The following HMGCL variants were observed in gnomAD, a reference collection of about 807,000 sequenced individuals.
HMGCL encodes hydroxymethylglutaryl-CoA lyase, mitochondrial.
Under a neutral mutation model 37.3 loss-of-function variants are expected in HMGCL, and 26 were observed. That is an observed-to-expected ratio of 0.70 (90% CI 0.51 to 0.97). The LOEUF (loss-of-function observed/expected upper bound fraction) is 0.97, where lower values mean the gene tolerates loss of function less well. Ranked by LOEUF, HMGCL falls within the 50% of genes least tolerant of loss-of-function variation. The pLI, the probability that HMGCL is intolerant of heterozygous loss-of-function variation, is 0.00. For missense variants in HMGCL, 379 were observed against 398.1 expected (o/e 0.95, Z 0.41); for synonymous variants, 151 against 148.0 (o/e 1.02, Z -0.15).
At position 23,802,254 on chromosome 1, in the gene HMGCL, T is replaced by C; in HGVS notation, c.*209A>G. On this transcript the variant is annotated 3_prime_UTR_variant, in exon 9 of 9. Coordinates refer to ENST00000374490, the MANE Select transcript of HMGCL (RefSeq NM_000191.3). ...GGGAGACTTCAGCCCTCAAAGCCTC[T>C]CACTCCTCAGGTCTGGGCAGGAGGT... 2 of 607,186 alleles carry C rather than the reference T, an allele frequency of 3.3e-6. No homozygotes were observed. The highest frequency in any genetic ancestry group is 2.9e-6 in the Non-Finnish European group (1 of 342,072). 37.6% of individuals were successfully genotyped at this position (607,186 alleles called of 1,614,324 possible).
chr1:23,804,400 C>G lies in HMGCL; in HGVS notation c.876G>C (p.Thr292=), dbSNP rs753754467. ...VYMLEGLGIH[T]GVNLQKLLEA... Reference sequence around the variant, plus strand: ...GCCACCAGGGGGTGGGTGGGCTTACCGTGTGAATGCCCAAGCCCTCTAGCA... The same window carrying G: ...GCCACCAGGGGGTGGGTGGGCTTACGGTGTGAATGCCCAAGCCCTCTAGCA... Residue 292 remains threonine, a splice_region_variant and synonymous_variant, in exon 8 of 9, where the codon ACG becomes ACC. Transcript: ENST00000374490. 1 of 1,614,166 alleles carries G rather than the reference C, an allele frequency of 6.2e-7. No individual in the cohort carries two copies. Among genetic ancestry groups the G allele is most frequent in the Non-Finnish European group, 8.5e-7 (1 of 1,180,026 alleles).
chr1:23,802,402 GA>G lies in HMGCL; in HGVS notation c.*60del, dbSNP rs1638297342. On this transcript the variant is annotated 3_prime_UTR_variant, in exon 9 of 9. Transcript: ENST00000374490. The stretch of plus-strand genomic sequence containing the variant: ...TTCTCATTTCCATGTCCCCATCCAT[GA>G]ATCATCTGTGTGTGCCCCTATTTCC... The G allele has an allele frequency of 2.0e-6, 2 of 996,194 alleles. No individual in the cohort carries two copies. Among genetic ancestry groups the G allele is most frequent in the Non-Finnish European group, 1.6e-6 (1 of 615,696 alleles). The allele number at this position is 996,194 out of a possible 1,614,324, so 61.7% of individuals were successfully genotyped here. A position where few individuals can be genotyped will look rare whatever the true frequency, so the allele number is the denominator to read the frequency against.
At chr1:23,818,335 T>C (rs1330649124) in intron 2 of HMGCL, among the ~76,000 whole-genome samples, 1 of 152,132 alleles carries the variant, frequency 6.6e-6, no homozygotes, top group Non-Finnish European at 1.5e-5. Flanking sequence ...GGCACGTGTC[T>C]GTGATCCAGC....
chr1:23,813,053 C>A (rs1638549235), intron 5 of HMGCL, among the ~76,000 whole-genome samples: 1 of 151,648 alleles, frequency 6.6e-6, no homozygotes, highest in Non-Finnish European at 1.5e-5. Flanking sequence ...CTACGCCCGG[C>A]TAATTTTTGT....
At chr1:23,811,489 T>C (rs1638519733) in intron 5 of HMGCL, among the ~76,000 whole-genome samples, 2 of 151,908 alleles carry the variant, frequency 1.3e-5, no homozygotes, top group South Asian at 4.2e-4. Flanking sequence ...AGATGGGAAA[T>C]GATAGGAACA....
At chr1:23,808,451 A>G (rs1638453415) in intron 6 of HMGCL, 128 bp from the exon 7 acceptor site, 1 of 787,040 alleles carries the variant, frequency 1.3e-6, no homozygotes, top group Non-Finnish European at 2.3e-6. Flanking sequence ...CTACTGGATT[A>G]CATGCTCCTC....
chr1:23,817,512 T>C lies in HMGCL; in HGVS notation c.216A>G (p.Glu72=). The C allele has an allele frequency of 6.2e-7, 1 of 1,613,700 alleles. No individual in the cohort carries two copies. The highest frequency in any genetic ancestry group is 1.7e-5 in the Admixed American group (1 of 60,016). Residue 72 remains glutamate, a synonymous_variant, in exon 3 of 9, where the codon GAA becomes GAG. Transcript: ENST00000374490. The part of the protein sequence containing the change: ...MLSEAGLSVI[E]TTSFVSPKWV... ...ACTTAGGAGACACAAAGCTGGTGGTTTCTATAACAGAGAGTCCTGCTTCAG... is the reference window on the plus strand; with the variant it reads ...ACTTAGGAGACACAAAGCTGGTGGTCTCTATAACAGAGAGTCCTGCTTCAG...
rs765353058 is a variant in HMGCL at position 23,802,455 on chromosome 1, C to A, written c.*8G>T. 6.4e-7 allele frequency: 1 copy of A among 1,571,932 alleles called. No homozygotes were observed. The highest frequency in any genetic ancestry group is 8.8e-7 in the Non-Finnish European group (1 of 1,141,552). ...CATCATCCCCAGGGCTTCAGGTGGG[C>A]AAGGGGCTCAGAGTTTACAGGTAGC... is the stretch of plus-strand genomic sequence containing the variant. On this transcript the variant is annotated 3_prime_UTR_variant, in exon 9 of 9. Coordinates refer to ENST00000374490, the MANE Select transcript of HMGCL (RefSeq NM_000191.3).
intron 8 of HMGCL, chr1:23,804,005 G>C (rs1400847156): frequency 8.6e-6 from 2 of 231,432 alleles, no homozygotes; most frequent in Non-Finnish European, 8.8e-6. Flanking sequence ...AAGTCACCCT[G>C]ACACTCCAGC....
chr1:23,814,871 G>A (rs931001951), intron 4 of HMGCL, among the ~76,000 whole-genome samples: 4 of 152,048 alleles, frequency 2.6e-5, no homozygotes, highest in African/African-American at 9.7e-5. Flanking sequence ...AAGCCATACT[G>A]GAATAGGGTG....
chr1:23,817,709 G>T, intron 2 of HMGCL, 126 bp from the exon 3 acceptor site: 1 of 707,948 alleles, frequency 1.4e-6, no homozygotes, highest in Non-Finnish European at 2.6e-6. Context: ...ACCTGAAAAG[G>T]AGTTATTTAC....
At chr1:23,811,419 A>G (rs1410742194) in intron 5 of HMGCL, among the ~76,000 whole-genome samples, 3 of 152,248 alleles carry the variant, frequency 2.0e-5, no homozygotes, top group African/African-American at 7.2e-5. Context: ...GAGATGGCCA[A>G]TAAAAAAGCA....
At chr1:23,805,071 AT>A (rs1051601281) in intron 7 of HMGCL, among the ~76,000 whole-genome samples, 47 of 152,038 alleles carry the variant, frequency 3.1e-4, no homozygotes, top group Admixed American at 2.0e-3. Flanking sequence ...CTTTATGGAA[AT>A]GGATGCAATC....
chr1:23,808,856 C>T (rs1379982929), intron 6 of HMGCL, among the ~76,000 whole-genome samples: 11 of 150,612 alleles, frequency 7.3e-5, no homozygotes, highest in Non-Finnish European at 1.5e-4. Context: ...AATCCTCCCA[C>T]CTCAGCCTCC....
chr1:23,821,595 C>G (rs768933077), intron 1 of HMGCL, among the ~76,000 whole-genome samples: 2 of 152,056 alleles, frequency 1.3e-5, no homozygotes, highest in Non-Finnish European at 2.9e-5. Flanking sequence ...GAAGGTTGAG[C>G]CTGCAGTGAG....
At chr1:23,812,502 A>T (rs1270038543) in intron 5 of HMGCL, among the ~76,000 whole-genome samples, 1 of 151,610 alleles carries the variant, frequency 6.6e-6, no homozygotes, top group Non-Finnish European at 1.5e-5. Flanking sequence ...GACTACAGGC[A>T]CATGCAACCA....
At chr1:23,818,330 G>A (rs538676825) in intron 2 of HMGCL, among the ~76,000 whole-genome samples, 10 of 152,230 alleles carry the variant, frequency 6.6e-5, no homozygotes, top group Non-Finnish European at 7.4e-5. Context: ...GTGGTGGCAC[G>A]TGTCTGTGAT....
intron 2 of HMGCL, among the ~76,000 whole-genome samples, chr1:23,819,550 G>A (rs1046368596): frequency 2.6e-5 from 4 of 152,048 alleles, no homozygotes; most frequent in African/African-American, 9.7e-5. Context: ...CCAACCTGGT[G>A]AAACCCCATC....
chr1:23,805,426 C>T (rs1392656867), intron 7 of HMGCL, among the ~76,000 whole-genome samples: 3 of 152,366 alleles, frequency 2.0e-5, no homozygotes, highest in African/African-American at 7.2e-5. Context: ...TTAACATCTA[C>T]CATTCTCATT....
Sources: allele counts gnomAD v4.1 joint callset (sites outside exome capture counted in the v4.1 genomes callset), GRCh38; gene constraint gnomAD v4.1.1; transcripts MANE v1.5; gene names NCBI Gene and HGNC (gene_info 2026-07-23, HGNC 2026-07-21).